CDH18: variants seen among roughly 807,000 people sequenced by gnomAD.
The protein encoded by CDH18 is cadherin 18.
In CDH18, 31 loss-of-function variants were observed where a neutral mutation model predicts 67.9. That is an observed-to-expected ratio of 0.46 (90% CI 0.34 to 0.62). The LOEUF is 0.62. Among genes scored for constraint, CDH18 ranks in the 20% least tolerant of loss-of-function variants. CDH18 has a pLI of 0.01. For missense variants in CDH18, 890 were observed against 975.5 expected (o/e 0.91, Z 1.17); for synonymous variants, 362 against 347.2 (o/e 1.04, Z -0.48).
At chr5:19,753,075 G>A (rs947070625) in intron 3 of CDH18, among the ~76,000 whole-genome samples, 5 of 152,130 alleles carry the variant, frequency 3.3e-5, no homozygotes, top group Admixed American at 1.3e-4. Flanking sequence ...CTACCCAAAT[G>A]AGAAGGAACC....
intron 7 of CDH18, among the ~76,000 whole-genome samples, chr5:19,574,005 C>T (rs1741887844): frequency 6.6e-6 from 1 of 152,260 alleles, no homozygotes; most frequent in Middle Eastern, 3.4e-3. Flanking sequence ...ACATTTCTTT[C>T]TCACAATAAC....
intron 3 of CDH18, among the ~76,000 whole-genome samples, chr5:19,784,647 G>A (rs1197976861): frequency 6.6e-6 from 1 of 152,062 alleles, no homozygotes; most frequent in Admixed American, 6.6e-5. Context: ...CTGCAAAATA[G>A]CTCTCGCAGG....
At chr5:19,598,157 C>T (rs996537361) in intron 6 of CDH18, among the ~76,000 whole-genome samples, 2 of 152,142 alleles carry the variant, frequency 1.3e-5, no homozygotes, top group Non-Finnish European at 2.9e-5. Flanking sequence ...CACTACTTTG[C>T]TAATATCTCA....
chr5:20,074,159 AATAATG>A (rs1743729087), intron 2 of CDH18, among the ~76,000 whole-genome samples: 1 of 152,144 alleles, frequency 6.6e-6, no homozygotes, highest in African/African-American at 2.4e-5. Flanking sequence ...GATAAAGTAT[AATAATG>A]ATAATAATAG....
At chr5:20,076,683 A>G (rs1439042318) in intron 2 of CDH18, among the ~76,000 whole-genome samples, 2 of 152,180 alleles carry the variant, frequency 1.3e-5, no homozygotes, top group East Asian at 3.9e-4. Context: ...TGATATCCCA[A>G]CATATTTTTA....
At chr5:20,443,231 A>AAAAT (rs60830932) in intron 1 of CDH18, among the ~76,000 whole-genome samples, 1 of 141,280 alleles carries the variant, frequency 7.1e-6, no homozygotes, top group Non-Finnish European at 1.6e-5. Context: ...AAAAAAAAAA[A>AAAAT]GTATATCTTT....
At chr5:19,599,458 T>C (rs1746706141) in intron 6 of CDH18, among the ~76,000 whole-genome samples, 1 of 152,192 alleles carries the variant, frequency 6.6e-6, no homozygotes, top group Admixed American at 6.5e-5. Flanking sequence ...TATAAAAATA[T>C]TCATATTTAT....
At chr5:19,842,693 A>T (rs138669197) in intron 2 of CDH18, among the ~76,000 whole-genome samples, 1 of 152,324 alleles carries the variant, frequency 6.6e-6, no homozygotes, top group East Asian at 1.9e-4. Flanking sequence ...GGAACTAGAT[A>T]ACAGGAAGAA....
At chr5:19,495,171 G>A (rs1318562471) in intron 11 of CDH18, among the ~76,000 whole-genome samples, 2 of 152,108 alleles carry the variant, frequency 1.3e-5, no homozygotes, top group Non-Finnish European at 2.9e-5. Context: ...GGATTTGCTA[G>A]GTACATGAGA....
At chr5:19,770,513 T>G (rs2149737081) in intron 3 of CDH18, among the ~76,000 whole-genome samples, 1 of 152,230 alleles carries the variant, frequency 6.6e-6, no homozygotes, top group Middle Eastern at 3.4e-3. Flanking sequence ...CAATATAATT[T>G]AACAGAAACA....
chr5:20,086,440 T>C (rs1010318836), intron 2 of CDH18, among the ~76,000 whole-genome samples: 10 of 152,068 alleles, frequency 6.6e-5, no homozygotes, highest in African/African-American at 2.2e-4. Context: ...AAACAACAGA[T>C]TTTTGATGGA....
At position 19,909,511 on chromosome 5, in the gene CDH18, C is replaced by CTGG. The variant is rs1355685023; in HGVS notation, c.-256-70272_-256-70270dup. On this transcript the variant is annotated intron_variant, in intron 2 of 12. Transcript: ENST00000382275. Reference sequence around the variant, plus strand: ...ATGGGGTTTCACCATGTTAACCAGGCTGGTCTCAAACTCCTGACCTCAGGT... The same window carrying CTGG: ...ATGGGGTTTCACCATGTTAACCAGGCTGGTGGTCTCAAACTCCTGACCTCAGGT... Among the ~76,000 whole-genome samples, 13 of 152,062 alleles carry CTGG rather than the reference C, an allele frequency of 8.5e-5. No homozygotes were observed. The East Asian group carries it at 2.5e-3, about 30-fold the overall frequency.
At chr5:20,086,548 C>T (rs1744965419) in intron 2 of CDH18, among the ~76,000 whole-genome samples, 2 of 152,154 alleles carry the variant, frequency 1.3e-5, no homozygotes, top group Non-Finnish European at 2.9e-5. Flanking sequence ...TACAGGTTGA[C>T]TCTCTTGTTT....
At chr5:20,544,637 C>T (rs931015708) in intron 1 of CDH18, among the ~76,000 whole-genome samples, 3 of 152,070 alleles carry the variant, frequency 2.0e-5, no homozygotes, top group African/African-American at 7.2e-5. Flanking sequence ...AGAATTCACT[C>T]ACTATCACCA....
intron 1 of CDH18, among the ~76,000 whole-genome samples, chr5:20,470,788 C>G (rs1375080464): frequency 1.3e-5 from 2 of 152,184 alleles, no homozygotes; most frequent in Non-Finnish European, 2.9e-5. Flanking sequence ...TAGATTACAA[C>G]TCTTACTTAC....
intron 5 of CDH18, among the ~76,000 whole-genome samples, chr5:19,672,196 A>G (rs1758842369): frequency 6.6e-6 from 1 of 152,160 alleles, no homozygotes; most frequent in Non-Finnish European, 1.5e-5. Context: ...TTGTGAGAAT[A>G]TCAGCATCCC....
At chr5:19,877,504 C>G (rs1048425771) in intron 2 of CDH18, among the ~76,000 whole-genome samples, 6 of 152,118 alleles carry the variant, frequency 3.9e-5, no homozygotes, top group Non-Finnish European at 7.4e-5. Flanking sequence ...TTACATACTT[C>G]ACAGCATGTG....
At chr5:20,504,760 ATTTTTTTT>A (rs70954666) in intron 1 of CDH18, among the ~76,000 whole-genome samples, 3 of 67,994 alleles carry the variant, frequency 4.4e-5, no homozygotes, top group Non-Finnish European at 5.8e-5. Flanking sequence ...ACAAAAGGGA[ATTTTTTTT>A]TTTTTTTTTT....
At chr5:20,331,506 T>C (rs540226723) in intron 1 of CDH18, 1 of 152,324 alleles carries the variant, frequency 6.6e-6, no homozygotes, top group South Asian at 2.1e-4. Flanking sequence ...ATAGATTTTT[T>C]TTGAAAGTCC....
Sources: gnomAD v4.1 joint callset for allele counts (sites outside exome capture counted in the v4.1 genomes callset) on GRCh38, gnomAD v4.1.1 for gene constraint, MANE v1.5 for transcripts, NCBI Gene and HGNC (gene_info 2026-07-23, HGNC 2026-07-21) for gene names.